Variants in NFIX observed in about 807,000 individuals in gnomAD.
NFIX encodes the protein nuclear factor 1 X-type.
Under a neutral mutation model 53.3 loss-of-function variants are expected in NFIX, and 2 were observed. The ratio of observed to expected loss-of-function variants is 0.04; its 90% CI spans 0.02 to 0.12. The LOEUF is 0.12. Among genes scored for constraint, NFIX ranks in the 10% least tolerant of loss-of-function variants. The probability of loss-of-function intolerance (pLI) is 1.00; values close to 1 mark genes in which losing one functional copy is unlikely to be tolerated. For missense variants in NFIX, 310 were observed against 674.5 expected, an observed-to-expected ratio of 0.46 and a Z score of 5.99; for synonymous variants, 244 against 289.0, an observed-to-expected ratio of 0.84 and a Z score of 1.58.
At chr19:13,031,981 C>T (rs1022848914) in intron 2 of NFIX, among the ~76,000 whole-genome samples, 3 of 152,146 alleles carry the variant, frequency 2.0e-5, no homozygotes, top group Admixed American at 6.5e-5. Context: ...CCTCCACCCC[C>T]GCCCTTCTGT....
Position 13,005,429 on chromosome 19 carries a change from T to C in NFIX, c.27+9565T>C, listed in dbSNP as rs939152607. On this transcript the variant is annotated intron_variant, in intron 1 of 10. Transcript: ENST00000592199. The surrounding 1 kb of genome is among the most constrained non-coding windows in gnomAD (Gnocchi z 4.7). ...CAGCTTCCTGGGTTTGACTCCTGGC[T>C]CTGCCACTCACTAGCTGTGTAACTT... is the stretch of plus-strand genomic sequence containing the variant. 3.9e-5 allele frequency among the ~76,000 whole-genome samples: 6 copies of C among 152,206 alleles called. No homozygotes were observed. Among genetic ancestry groups the C allele is most frequent in the Non-Finnish European group, 5.9e-5 (4 of 68,036 alleles).
intron 2 of NFIX, among the ~76,000 whole-genome samples, chr19:13,031,405 C>T (rs527302317): frequency 2.0e-5 from 3 of 152,132 alleles, no homozygotes; most frequent in Admixed American, 2.0e-4. Context: ...GGAAACAGGG[C>T]TACTCTGCAG....
rs1007491945 is a variant in NFIX at position 13,028,762 on chromosome 19, G to C, written c.559+3210G>C. Among the ~76,000 whole-genome samples, 1 of 152,136 alleles carries C rather than the reference G, an allele frequency of 6.6e-6. No individual in the cohort carries two copies. Among genetic ancestry groups the C allele is most frequent in the African/African-American group, 2.4e-5 (1 of 41,426 alleles). On this transcript the variant is annotated intron_variant, in intron 2 of 10. Coordinates refer to ENST00000592199, the MANE Select transcript of NFIX (RefSeq NM_001365902.3). This position sits in a 1 kb window ranked among gnomAD's most constrained non-coding sequence, Gnocchi z 4.2. ...ATTCAAAGCGGGTATCCCAGAACAG[G>C]TGGCCAGGGACGGGTGAGCTGGGGA...
At position 13,005,082 on chromosome 19, in the gene NFIX, G is replaced by A. The variant is rs1348775300; in HGVS notation, c.27+9218G>A. Among the ~76,000 whole-genome samples, 2 of 152,170 alleles carry A rather than the reference G, an allele frequency of 1.3e-5. No individual in the cohort carries two copies. Among genetic ancestry groups the A allele is most frequent in the Non-Finnish European group, 2.9e-5 (2 of 68,032 alleles). On this transcript the variant is annotated intron_variant, in intron 1 of 10. Coordinates refer to ENST00000592199, the MANE Select transcript of NFIX (RefSeq NM_001365902.3). This position sits in a 1 kb window ranked among gnomAD's most constrained non-coding sequence, Gnocchi z 4.7. Reference sequence around the variant, plus strand: ...TCCGCCCGCCTCGGCCTCCCAAAGTGCTGGGATTACAGGCGTGAGCCACTG... The same window carrying A: ...TCCGCCCGCCTCGGCCTCCCAAAGTACTGGGATTACAGGCGTGAGCCACTG...
Position 13,095,051 on chromosome 19 carries a change from T to C in NFIX, c.*402T>C. Reference sequence around the variant, plus strand: ...AGCACAATTCTGAAGGGGCCTGGCCTCCACCCTCACCCCTTCCTAGGGGAA... The same window carrying C: ...AGCACAATTCTGAAGGGGCCTGGCCCCCACCCTCACCCCTTCCTAGGGGAA... On this transcript the variant is annotated 3_prime_UTR_variant, in exon 11 of 11. Coordinates refer to ENST00000592199, the MANE Select transcript of NFIX (RefSeq NM_001365902.3). 1 of 186,614 alleles carries C rather than the reference T, an allele frequency of 5.4e-6. No individual in the cohort carries two copies. Among genetic ancestry groups the C allele is most frequent in the South Asian group, 1.1e-4 (1 of 9,402 alleles). 11.6% of individuals were successfully genotyped at this position (186,614 alleles called of 1,614,324 possible).
intron 2 of NFIX, among the ~76,000 whole-genome samples, chr19:13,065,369 G>C (rs1386914525): frequency 6.6e-6 from 1 of 152,144 alleles, no homozygotes; most frequent in Admixed American, 6.5e-5. Flanking sequence ...TGCTCTGATG[G>C]GAATTCCTAC....
In NFIX at chr19:13,052,960, C is replaced by G. The variant is rs1203633370; in HGVS notation, c.560-20087C>G. On this transcript the variant is annotated intron_variant, in intron 2 of 10. Transcript: ENST00000592199. The surrounding 1 kb of genome is among the most constrained non-coding windows in gnomAD (Gnocchi z 5.2). ...ACAGAAACCTGCCTTCTCCTCCATC[C>G]CCACTTGAAGCTGCTGGTACTGCCT... Among the ~76,000 whole-genome samples the G allele has an allele frequency of 6.6e-6, 1 of 152,240 alleles. No individual in the cohort carries two copies. Among genetic ancestry groups the G allele is most frequent in the African/African-American group, 2.4e-5 (1 of 41,460 alleles).
Position 13,045,290 on chromosome 19 carries a change from C to T in NFIX, c.559+19738C>T, listed in dbSNP as rs2014914428. 6.6e-6 allele frequency among the ~76,000 whole-genome samples: 1 copy of T among 152,176 alleles called. No homozygotes were observed. The highest frequency in any genetic ancestry group is 1.5e-5 in the Non-Finnish European group (1 of 68,028). On this transcript the variant is annotated intron_variant, in intron 2 of 10. Coordinates refer to ENST00000592199, the MANE Select transcript of NFIX (RefSeq NM_001365902.3). This position sits in a 1 kb window ranked among gnomAD's most constrained non-coding sequence, Gnocchi z 4.4. ...ATGGGCCCCAGAGCTGTGTGTGATG[C>T]ATGTGTTCCTGATAGCACAGGGGTT...
At chr19:13,038,130 C>T (rs976200982) in intron 2 of NFIX, among the ~76,000 whole-genome samples, 1 of 152,142 alleles carries the variant, frequency 6.6e-6, no homozygotes, top group African/African-American at 2.4e-5. Flanking sequence ...GGGTCTTTCC[C>T]ATCTCAAAGC....
rs1242878883 is a variant in NFIX at position 13,022,781 on chromosome 19, G to T, written c.28-2240G>T. Among the ~76,000 whole-genome samples the T allele has an allele frequency of 6.6e-6, 1 of 151,908 alleles. No individual in the cohort carries two copies. Among genetic ancestry groups the T allele is most frequent in the African/African-American group, 2.4e-5 (1 of 41,338 alleles). ...TTTTTCAGGCTTAAAAAAAAATTTCGAGTCTTCCACAATCCCAGTCCCCCC... is the reference window on the plus strand; with the variant it reads ...TTTTTCAGGCTTAAAAAAAAATTTCTAGTCTTCCACAATCCCAGTCCCCCC... On this transcript the variant is annotated intron_variant, in intron 1 of 10. Transcript: ENST00000592199. This position sits in a 1 kb window ranked among gnomAD's most constrained non-coding sequence, Gnocchi z 4.5.
intron 5 of NFIX, 86 bp downstream of exon 5, chr19:13,074,112 C>A: frequency 6.4e-7 from 1 of 1,557,660 alleles, no homozygotes; most frequent in South Asian, 1.1e-5. Context: ...AGCTGTGTCA[C>A]TGAGGCTAGG....
intron 2 of NFIX, among the ~76,000 whole-genome samples, chr19:13,050,426 C>T (rs1320188953): frequency 6.6e-6 from 1 of 152,250 alleles, no homozygotes; most frequent in Non-Finnish European, 1.5e-5. Flanking sequence ...CAGTCCCTCC[C>T]TCTGAGGGGG....
chr19:13,072,255 C>G lies in NFIX; in HGVS notation c.560-792C>G, dbSNP rs1330640578. ...GGGTGGGGGGCTTTCCCAAGCTCAG[C>G]AAAATATTCACACACACACTCCACC... On this transcript the variant is annotated intron_variant, in intron 2 of 10. Transcript: ENST00000592199. This position sits in a 1 kb window ranked among gnomAD's most constrained non-coding sequence, Gnocchi z 4.0. Among the ~76,000 whole-genome samples the G allele has an allele frequency of 6.6e-6, 1 of 152,144 alleles. No individual in the cohort carries two copies. The highest frequency in any genetic ancestry group is 2.4e-5 in the African/African-American group (1 of 41,428).
At chr19:13,079,752 G>A (rs1037389613) in intron 7 of NFIX, among the ~76,000 whole-genome samples, 3 of 152,224 alleles carry the variant, frequency 2.0e-5, no homozygotes, top group Non-Finnish European at 4.4e-5. Context: ...CAGCTTTTAT[G>A]AACTCCAGAG....
At chr19:13,074,405 G>T (rs1276606034) in intron 5 of NFIX, among the ~76,000 whole-genome samples, 1 of 152,172 alleles carries the variant, frequency 6.6e-6, no homozygotes, top group East Asian at 1.9e-4. Context: ...GCCTGCACAG[G>T]CTGGCGGGGC....
rs2012194235 is a variant in NFIX at position 13,009,197 on chromosome 19, A to G, written c.27+13333A>G. ...CACACACACACAGCGGCACAGTCGC[A>G]CACACAGCCAGCCTCACGCGATCAC... On this transcript the variant is annotated intron_variant, in intron 1 of 10. Transcript: ENST00000592199. The surrounding 1 kb of genome is among the most constrained non-coding windows in gnomAD (Gnocchi z 4.7). 6.6e-6 allele frequency among the ~76,000 whole-genome samples: 1 copy of G among 152,190 alleles called. No homozygotes were observed. The highest frequency in any genetic ancestry group is 2.4e-5 in the African/African-American group (1 of 41,452).
In NFIX at chr19:13,049,080, AAAAAC is replaced by A. The variant is rs1421331447; in HGVS notation, c.559+23543_559+23547del. Among the ~76,000 whole-genome samples, 9 of 151,800 alleles carry A rather than the reference AAAAAC, an allele frequency of 5.9e-5. No homozygotes were observed. The highest frequency in any genetic ancestry group is 1.9e-4 in the African/African-American group (8 of 41,242). On this transcript the variant is annotated intron_variant, in intron 2 of 10. Coordinates refer to ENST00000592199, the MANE Select transcript of NFIX (RefSeq NM_001365902.3). The surrounding 1 kb of genome is among the most constrained non-coding windows in gnomAD (Gnocchi z 4.5). ...CGACAGAGCAAGACTCTGTCTAAAA[AAAAAC>A]AAAACAAAACAAAAATTAGCCATGC...
At chr19:13,019,370 T>C (rs16995241) in intron 1 of NFIX, among the ~76,000 whole-genome samples, 4,090 of 152,150 alleles carry the variant, frequency 0.027, 68 homozygotes, top group Middle Eastern at 0.082. Context: ...TTGTGTAGAG[T>C]TTTTGAAAAC....
Position 13,037,934 on chromosome 19 carries a change from G to A in NFIX, c.559+12382G>A, listed in dbSNP as rs1395940984. The stretch of plus-strand genomic sequence containing the variant: ...GGAGGTGGAGAAACCCAGCCTTAGA[G>A]GGAGAATAAGCAGACCCTGCTGTGC... On this transcript the variant is annotated intron_variant, in intron 2 of 10. Transcript: ENST00000592199. This position sits in a 1 kb window ranked among gnomAD's most constrained non-coding sequence, Gnocchi z 4.2. Among the ~76,000 whole-genome samples, 4 of 152,190 alleles carry A rather than the reference G, an allele frequency of 2.6e-5. No homozygotes were observed. Among genetic ancestry groups the A allele is most frequent in the Admixed American group, 2.6e-4 (4 of 15,284 alleles).
Sources: allele counts gnomAD v4.1 joint callset (sites outside exome capture counted in the v4.1 genomes callset), GRCh38; gene constraint gnomAD v4.1.1; non-coding constraint Gnocchi (gnomAD v3.1); transcripts MANE v1.5; gene names NCBI Gene and HGNC (gene_info 2026-07-23, HGNC 2026-07-21).